The following SUCLG2 variants were observed in gnomAD, a reference collection of about 807,000 sequenced individuals.
The protein encoded by SUCLG2 is succinate-CoA ligase GDP-forming subunit beta.
Under a neutral mutation model 47.9 loss-of-function variants are expected in SUCLG2, and 42 were observed. That is an observed-to-expected ratio of 0.88 (90% confidence interval 0.69 to 1.14). SUCLG2 has a LOEUF of 1.14. Ranked by LOEUF, SUCLG2 falls within the 50% of genes most tolerant of loss-of-function variation. SUCLG2 has a pLI of 0.00. For synonymous variants in SUCLG2, 195 were observed against 197.3 expected (o/e 0.99, Z 0.10); for missense variants, 571 against 525.9 (o/e 1.09, Z -0.84).
intron 10 of SUCLG2, among the ~76,000 whole-genome samples, chr3:67,361,833 G>A (rs924074173): frequency 3.9e-5 from 6 of 152,176 alleles, no homozygotes; most frequent in African/African-American, 1.4e-4. Context: ...ACTAACAGAT[G>A]TCTAGAAAGT....
intron 9 of SUCLG2, among the ~76,000 whole-genome samples, chr3:67,490,158 G>A (rs73088910): frequency 0.53 from 80,354 of 151,924 alleles, 22,544 homozygotes; most frequent in Non-Finnish European, 0.63. Flanking sequence ...CAATTTTACG[G>A]CACCTCAGTT....
intron 2 of SUCLG2, among the ~76,000 whole-genome samples, chr3:67,560,735 C>T (rs1707287536): frequency 6.6e-6 from 1 of 151,988 alleles, no homozygotes. Context: ...TTTTCTAGTG[C>T]CTCCTCCAAG....
chr3:67,391,725 AT>A (rs1702387700), intron 10 of SUCLG2, among the ~76,000 whole-genome samples: 1 of 152,124 alleles, frequency 6.6e-6, no homozygotes, highest in Non-Finnish European at 1.5e-5. Flanking sequence ...GAGTGGTGGA[AT>A]TGTTCTGGGC....
intron 2 of SUCLG2, among the ~76,000 whole-genome samples, chr3:67,548,996 A>AT (rs942790270): frequency 3.9e-5 from 6 of 152,080 alleles, no homozygotes; most frequent in Admixed American, 1.3e-4. Context: ...TCAAATGGGA[A>AT]TTTTTTTTAA....
At chr3:67,463,887 C>G (rs1194679726) in intron 9 of SUCLG2, among the ~76,000 whole-genome samples, 1 of 152,162 alleles carries the variant, frequency 6.6e-6, no homozygotes, top group Non-Finnish European at 1.5e-5. Context: ...TTCAAGGCAA[C>G]CAACTGACAG....
At chr3:67,403,511 G>A (rs76579259) in intron 9 of SUCLG2, among the ~76,000 whole-genome samples, 2,151 of 142,318 alleles carry the variant, frequency 0.015, 53 homozygotes, top group South Asian at 0.11. Flanking sequence ...GGAGAAGGAT[G>A]AAGTATCATC....
At chr3:67,496,568 A>C (rs1016775570) in intron 8 of SUCLG2, among the ~76,000 whole-genome samples, 5 of 152,188 alleles carry the variant, frequency 3.3e-5, no homozygotes, top group Admixed American at 3.3e-4. Flanking sequence ...GCACAAAAAC[A>C]ATATTCTTAT....
chr3:67,362,283 C>T (rs1355803642), intron 10 of SUCLG2, among the ~76,000 whole-genome samples: 1 of 152,128 alleles, frequency 6.6e-6, no homozygotes, highest in Non-Finnish European at 1.5e-5. Flanking sequence ...CTCCCTCTGC[C>T]TGGAGCTGTC....
intron 9 of SUCLG2, among the ~76,000 whole-genome samples, chr3:67,473,251 C>T (rs9830265): frequency 0.063 from 9,560 of 152,142 alleles, 500 homozygotes; most frequent in African/African-American, 0.14. Context: ...GTGATCTCAG[C>T]CCACTACAGC....
chr3:67,400,602 G>T (rs1702659820), intron 10 of SUCLG2, 129 bp downstream of exon 10: 7 of 1,326,976 alleles, frequency 5.3e-6, no homozygotes, highest in African/African-American at 1.5e-5. Context: ...CTGCCGTACT[G>T]TGTTTGTTTC....
chr3:67,375,570 T>A lies in SUCLG2; in HGVS notation c.*174A>T, dbSNP rs1023967893. The A allele has an allele frequency of 1.4e-6, 2 of 1,406,424 alleles. No homozygotes were observed. 87.1% of individuals were successfully genotyped at this position (1,406,424 alleles called of 1,614,324 possible). The stretch of plus-strand genomic sequence containing the variant: ...ATTTTTATAAAGACCAAAATCAGAT[T>A]TAGGCTGTCTAGATATCTTATTCCA... On this transcript the variant is annotated 3_prime_UTR_variant, in exon 11 of 11. Transcript: ENST00000307227.
intron 2 of SUCLG2, among the ~76,000 whole-genome samples, chr3:67,603,092 C>T (rs1387715808): frequency 6.6e-6 from 1 of 152,130 alleles, no homozygotes; most frequent in Admixed American, 6.5e-5. Flanking sequence ...TGCCATTACC[C>T]TAGGAGCAGC....
At chr3:67,572,791 A>T (rs1707648534) in intron 2 of SUCLG2, among the ~76,000 whole-genome samples, 2 of 152,182 alleles carry the variant, frequency 1.3e-5, no homozygotes, top group South Asian at 2.1e-4. Flanking sequence ...ATTCTACTCA[A>T]CATGGTAGTA....
chr3:67,378,329 C>T (rs1702080644), intron 10 of SUCLG2, among the ~76,000 whole-genome samples: 1 of 152,156 alleles, frequency 6.6e-6, no homozygotes, highest in Non-Finnish European at 1.5e-5. Context: ...GACTAGGTTA[C>T]AAAAGCCTGT....
At chr3:67,537,170 T>G (rs1303971587) in intron 2 of SUCLG2, among the ~76,000 whole-genome samples, 1 of 152,056 alleles carries the variant, frequency 6.6e-6, no homozygotes, top group East Asian at 1.9e-4. Flanking sequence ...CTTAGATATT[T>G]CTCCTAATTT....
chr3:67,633,376 C>A (rs1226957568), intron 1 of SUCLG2, among the ~76,000 whole-genome samples: 1 of 152,124 alleles, frequency 6.6e-6, no homozygotes, highest in Admixed American at 6.5e-5. Flanking sequence ...GTCATTTACA[C>A]AGAGGTCAAA....
chr3:67,438,294 G>A (rs983256599), intron 9 of SUCLG2, among the ~76,000 whole-genome samples: 1 of 151,966 alleles, frequency 6.6e-6, no homozygotes, highest in South Asian at 2.1e-4. Flanking sequence ...ACCTAAAATC[G>A]ACACCCTCAC....
chr3:67,584,585 G>C (rs1010301267), intron 2 of SUCLG2, among the ~76,000 whole-genome samples: 4 of 152,074 alleles, frequency 2.6e-5, no homozygotes, highest in African/African-American at 9.7e-5. Context: ...TCTTTGTGTT[G>C]CCAAAGAGTA....
intron 9 of SUCLG2, among the ~76,000 whole-genome samples, chr3:67,485,472 T>C (rs1331238640): frequency 2.0e-5 from 3 of 152,198 alleles, no homozygotes; most frequent in East Asian, 3.8e-4. Flanking sequence ...ATATTTTATA[T>C]GTTAGGCTTC....
Sources: gnomAD v4.1 joint callset for allele counts (sites outside exome capture counted in the v4.1 genomes callset) on GRCh38, gnomAD v4.1.1 for gene constraint, MANE v1.5 for transcripts, NCBI Gene and HGNC (gene_info 2026-07-23, HGNC 2026-07-21) for gene names.